Variants in LSAMP observed in about 807,000 individuals in gnomAD.
The protein encoded by LSAMP is limbic system-associated membrane protein.
Under a neutral mutation model 38.6 loss-of-function variants are expected in LSAMP, and 7 were observed. The observed-to-expected ratio is 0.18, with a 90% CI of 0.10 to 0.34. The LOEUF (loss-of-function observed/expected upper bound fraction) is 0.34, where lower values mean the gene tolerates loss of function less well. Ranked by LOEUF, LSAMP falls within the 10% of genes least tolerant of loss-of-function variation. LSAMP has a pLI of 1.00. For synonymous variants in LSAMP, 154 were observed against 166.8 expected (o/e 0.92, Z 0.59); for missense variants, 313 against 420.0 (o/e 0.75, Z 2.23).
chr3:116,393,378 C>T (rs1415185417), intron 1 of LSAMP, among the ~76,000 whole-genome samples: 3 of 152,188 alleles, frequency 2.0e-5, no homozygotes, highest in African/African-American at 4.8e-5. Context: ...GCTGCAGCCT[C>T]ACAGAGAACC....
At chr3:115,972,011 T>C (rs1221135547) in intron 3 of LSAMP, among the ~76,000 whole-genome samples, 1 of 152,070 alleles carries the variant, frequency 6.6e-6, no homozygotes, top group African/African-American at 2.4e-5. Context: ...ATGTAGAAAA[T>C]AATTTTCAAG....
chr3:115,818,862 C>G (rs571602719), intron 6 of LSAMP, among the ~76,000 whole-genome samples: 1 of 132,466 alleles, frequency 7.5e-6, no homozygotes, highest in East Asian at 2.6e-4. Context: ...GAGATTCTAG[C>G]ACAAAAAAAG....
At chr3:115,990,119 C>G (rs1252288019) in intron 3 of LSAMP, among the ~76,000 whole-genome samples, 1 of 152,086 alleles carries the variant, frequency 6.6e-6, no homozygotes, top group Non-Finnish European at 1.5e-5. Flanking sequence ...CCTCCACACA[C>G]AGCTGACTGT....
intron 1 of LSAMP, among the ~76,000 whole-genome samples, chr3:116,335,553 A>T (rs935234516): frequency 1.3e-5 from 2 of 152,080 alleles, no homozygotes; most frequent in African/African-American, 4.8e-5. Context: ...CCCAGAAAGA[A>T]ACTTTTGCAT....
At position 115,807,191 on chromosome 3, in the gene LSAMP, A is replaced by G. The variant is rs1474402190; in HGVS notation, c.*3126T>C. On this transcript the variant is annotated 3_prime_UTR_variant, in exon 7 of 7. Coordinates refer to ENST00000490035, the MANE Select transcript of LSAMP (RefSeq NM_002338.5). ...CCAAGAAGTCTTATGTTGAGATTCA[A>G]TGATTTCTTGGTGTCAGTCCTCTGG... The G allele has an allele frequency of 1.3e-5, 2 of 152,130 alleles. No homozygotes were observed. The highest frequency in any genetic ancestry group is 2.4e-5 in the African/African-American group (1 of 41,430). The allele number at this position is 152,130 out of a possible 1,614,324, so 9.4% of individuals were successfully genotyped here.
chr3:116,309,175 C>T (rs2047523977), intron 1 of LSAMP, among the ~76,000 whole-genome samples: 2 of 152,206 alleles, frequency 1.3e-5, no homozygotes, highest in South Asian at 4.1e-4. Flanking sequence ...TTAGCAATTA[C>T]ATTAAAATGC....
At chr3:115,901,441 A>G (rs1042271287) in intron 3 of LSAMP, among the ~76,000 whole-genome samples, 2 of 152,070 alleles carry the variant, frequency 1.3e-5, no homozygotes, top group African/African-American at 2.4e-5. Context: ...ACAGATACCT[A>G]TTTTCAACTG....
intron 3 of LSAMP, among the ~76,000 whole-genome samples, chr3:115,951,708 G>T (rs1163248937): frequency 6.6e-6 from 1 of 152,140 alleles, no homozygotes; most frequent in African/African-American, 2.4e-5. Flanking sequence ...TGTGCTGCAT[G>T]CTTCCTGCCC....
intron 3 of LSAMP, among the ~76,000 whole-genome samples, chr3:115,968,404 A>G (rs1005808013): frequency 6.6e-6 from 1 of 152,136 alleles, no homozygotes; most frequent in Non-Finnish European, 1.5e-5. Context: ...CTTTAGTCAG[A>G]AAGTGATAAA....
At chr3:116,214,179 A>T (rs1019147399) in intron 1 of LSAMP, among the ~76,000 whole-genome samples, 3 of 152,230 alleles carry the variant, frequency 2.0e-5, no homozygotes, top group Non-Finnish European at 2.9e-5. Flanking sequence ...TCAACACATA[A>T]ATTCACAGCT....
chr3:116,089,672 TTTTC>T (rs1708075667), intron 1 of LSAMP, among the ~76,000 whole-genome samples: 2 of 152,040 alleles, frequency 1.3e-5, no homozygotes, highest in Admixed American at 1.3e-4. Flanking sequence ...TACACATACT[TTTTC>T]CTAACTCAGA....
intron 1 of LSAMP, among the ~76,000 whole-genome samples, chr3:116,348,395 T>A (rs1458763842): frequency 1.3e-5 from 2 of 152,156 alleles, no homozygotes; most frequent in African/African-American, 4.8e-5. Flanking sequence ...CATTCTGATT[T>A]CACTGTCATG....
chr3:116,071,113 G>C (rs1707595354), intron 2 of LSAMP, among the ~76,000 whole-genome samples: 1 of 149,674 alleles, frequency 6.7e-6, no homozygotes, highest in South Asian at 2.1e-4. Context: ...ACCTACATGA[G>C]GTGTAATAAC....
In LSAMP at chr3:116,086,305, T is replaced by A; in HGVS notation, c.388+19A>T. Reference sequence around the variant, plus strand: ...TCCCACCTCTTTCTTACCACCCTTCTATCCCACACTTTCCTTACCTTGTAC... The same window carrying A: ...TCCCACCTCTTTCTTACCACCCTTCAATCCCACACTTTCCTTACCTTGTAC... On this transcript the variant is annotated intron_variant, in intron 2 of 6. Coordinates refer to ENST00000490035, the MANE Select transcript of LSAMP (RefSeq NM_002338.5). 6.3e-7 allele frequency: 1 copy of A among 1,594,688 alleles called. No individual in the cohort carries two copies.
At chr3:116,159,348 A>C (rs1307703546) in intron 1 of LSAMP, among the ~76,000 whole-genome samples, 1 of 152,200 alleles carries the variant, frequency 6.6e-6, no homozygotes, top group East Asian at 1.9e-4. Context: ...ATATTTGCAA[A>C]GTATGCATCT....
intron 6 of LSAMP, among the ~76,000 whole-genome samples, chr3:115,814,628 G>C (rs1175612219): frequency 1.3e-5 from 2 of 152,126 alleles, no homozygotes; most frequent in African/African-American, 4.8e-5. Context: ...CAAAGGGGTT[G>C]TCAATTATGC....
At chr3:115,993,593 T>G (rs1298519447) in intron 3 of LSAMP, among the ~76,000 whole-genome samples, 1 of 152,092 alleles carries the variant, frequency 6.6e-6, no homozygotes, top group Non-Finnish European at 1.5e-5. Flanking sequence ...TTTGTGATAT[T>G]TTCCTTGTGC....
chr3:115,863,834 G>C (rs1191219267), intron 3 of LSAMP, among the ~76,000 whole-genome samples: 1 of 149,010 alleles, frequency 6.7e-6, no homozygotes, highest in African/African-American at 2.6e-5. Context: ...CCTAAGGGCA[G>C]GTTTCTCAGA....
rs1418738141 is a variant in LSAMP at position 116,079,614 on chromosome 3, A to C, written c.388+6710T>G. Among the ~76,000 whole-genome samples the C allele has an allele frequency of 2.1e-5, 3 of 145,318 alleles. No individual in the cohort carries two copies. The East Asian group carries it at 6.1e-4, about 29-fold the overall frequency. On this transcript the variant is annotated intron_variant, in intron 2 of 6. Transcript: ENST00000490035. Reference sequence around the variant, plus strand: ...GCCACTGCGCTCCAGCCTGGGCAGCAGAGTGAGACTCTGTCTCAAAAAAAA... The same window carrying C: ...GCCACTGCGCTCCAGCCTGGGCAGCCGAGTGAGACTCTGTCTCAAAAAAAA...
Sources: allele counts gnomAD v4.1 joint callset (sites outside exome capture counted in the v4.1 genomes callset), GRCh38; gene constraint gnomAD v4.1.1; transcripts MANE v1.5; gene names NCBI Gene and HGNC (gene_info 2026-07-23, HGNC 2026-07-21).